The following PHF21B variants were observed in gnomAD, a reference collection of about 807,000 sequenced individuals.
The protein encoded by PHF21B is PHD finger protein 21B.
PHF21B carries 22 observed loss-of-function variants against 62.2 expected under a neutral mutation model. The observed-to-expected ratio is 0.35, with a 90% CI of 0.25 to 0.51. The LOEUF (loss-of-function observed/expected upper bound fraction) is 0.51, where lower values mean the gene tolerates loss of function less well. Among genes scored for constraint, PHF21B ranks in the 20% least tolerant of loss-of-function variants. The pLI is 0.97. For synonymous variants in PHF21B, 341 were observed against 314.7 expected, an observed-to-expected ratio of 1.08 and a Z score of -0.88; for missense variants, 701 against 707.9, an observed-to-expected ratio of 0.99 and a Z score of 0.11.
At position 44,968,834 on chromosome 22, in the gene PHF21B, A is replaced by AT. The variant is rs529547483; in HGVS notation, c.120+39710dup. On this transcript the variant is annotated intron_variant, in intron 2 of 12. Transcript: ENST00000313237. Reference sequence around the variant, plus strand: ...CTCAAAGTGTCAGGTTTCAGAGCAGATTTTTTTGGGTTTCAGATTTTTGGA... The same window carrying AT: ...CTCAAAGTGTCAGGTTTCAGAGCAGATTTTTTTTGGGTTTCAGATTTTTGGA... 6.2e-4 allele frequency among the ~76,000 whole-genome samples: 94 copies of AT among 152,200 alleles called. 1 individual carries two copies. Among genetic ancestry groups the AT allele is most frequent in the African/African-American group, 2.3e-3 (94 of 41,546 alleles).
At chr22:44,983,006 G>A (rs2072870968) in intron 2 of PHF21B, among the ~76,000 whole-genome samples, 1 of 152,158 alleles carries the variant, frequency 6.6e-6, no homozygotes, top group Non-Finnish European at 1.5e-5. Flanking sequence ...CACTTTGGGA[G>A]ACCGAGGTGG....
At chr22:44,934,106 G>A (rs1276693948) in intron 2 of PHF21B, among the ~76,000 whole-genome samples, 3 of 152,154 alleles carry the variant, frequency 2.0e-5, no homozygotes, top group African/African-American at 4.8e-5. Flanking sequence ...ATGGCAGCCC[G>A]TCCCCTCCTG....
At chr22:44,921,650 G>A (rs1216739789) in intron 2 of PHF21B, among the ~76,000 whole-genome samples, 2 of 151,544 alleles carry the variant, frequency 1.3e-5, no homozygotes, top group Non-Finnish European at 2.9e-5. Flanking sequence ...TTACAGGCAT[G>A]AGCCACGGAA....
intron 2 of PHF21B, among the ~76,000 whole-genome samples, chr22:44,973,845 G>A (rs904288902): frequency 3.3e-5 from 5 of 152,240 alleles, no homozygotes; most frequent in African/African-American, 4.8e-5. Context: ...CCAGCACTGG[G>A]AAGTCAGGGA....
At chr22:44,897,485 T>C (rs2071081993) in intron 5 of PHF21B, among the ~76,000 whole-genome samples, 1 of 152,156 alleles carries the variant, frequency 6.6e-6, no homozygotes. Context: ...AGAGACAGCC[T>C]GCCAGGAGTC....
intron 2 of PHF21B, among the ~76,000 whole-genome samples, chr22:44,998,866 C>T (rs1017236507): frequency 1.3e-5 from 2 of 152,174 alleles, no homozygotes; most frequent in African/African-American, 4.8e-5. Context: ...CCCCATTCAT[C>T]CCCGGGACAT....
At chr22:44,947,793 GTT>G (rs1376309961) in intron 2 of PHF21B, among the ~76,000 whole-genome samples, 1 of 152,136 alleles carries the variant, frequency 6.6e-6, no homozygotes, top group Non-Finnish European at 1.5e-5. Context: ...GCTCAGATAT[GTT>G]TCAGTTTGTC....
At chr22:44,997,207 A>G (rs540527868) in intron 2 of PHF21B, among the ~76,000 whole-genome samples, 1 of 152,236 alleles carries the variant, frequency 6.6e-6, no homozygotes, top group South Asian at 2.1e-4. Context: ...CTTACGCTGA[A>G]GGTCCTGGGC....
chr22:44,960,590 TAC>T (rs922419397), intron 2 of PHF21B, among the ~76,000 whole-genome samples: 4 of 152,160 alleles, frequency 2.6e-5, no homozygotes, highest in African/African-American at 9.7e-5. Flanking sequence ...GACCATGGGG[TAC>T]ACAGACATCT....
chr22:44,994,881 G>C (rs1049338616), intron 2 of PHF21B, among the ~76,000 whole-genome samples: 1 of 152,224 alleles, frequency 6.6e-6, no homozygotes, highest in Non-Finnish European at 1.5e-5. Context: ...ACCCAAACTT[G>C]GGGAGCGCCA....
At chr22:44,929,655 T>C (rs183802454) in intron 2 of PHF21B, among the ~76,000 whole-genome samples, 10 of 152,364 alleles carry the variant, frequency 6.6e-5, no homozygotes, top group African/African-American at 2.2e-4. Context: ...CTGCTGTCAC[T>C]GTTACAAGGA....
rs2071957720 is a variant in PHF21B, at chr22:44,941,573, T to C, written c.121-21083A>G. On this transcript the variant is annotated intron_variant, in intron 2 of 12. Coordinates refer to ENST00000313237, the MANE Select transcript of PHF21B (RefSeq NM_138415.5). ...CTGGATCGCTTTGTTCCTCTGACGT[T>C]GTGGTGGGCACAATGCAAAATTGTG... Among the ~76,000 whole-genome samples, 4 of 152,312 alleles carry C rather than the reference T, an allele frequency of 2.6e-5. No individual in the cohort carries two copies. In the South Asian group the frequency reaches 6.2e-4, roughly 24 times the overall value.
chr22:44,886,201 G>T (rs115960786), intron 10 of PHF21B, among the ~76,000 whole-genome samples: 1 of 151,894 alleles, frequency 6.6e-6, no homozygotes, highest in African/African-American at 2.4e-5. Flanking sequence ...CTTCTCGAAC[G>T]AACGAATGAT....
At chr22:44,959,617 C>T (rs2072376833) in intron 2 of PHF21B, among the ~76,000 whole-genome samples, 1 of 152,192 alleles carries the variant, frequency 6.6e-6, no homozygotes, top group Non-Finnish European at 1.5e-5. Flanking sequence ...GCAGGTCATT[C>T]AAGATGCACC....
At chr22:44,966,481 A>C (rs1825311771) in intron 2 of PHF21B, among the ~76,000 whole-genome samples, 1 of 152,192 alleles carries the variant, frequency 6.6e-6, no homozygotes, top group Admixed American at 6.5e-5. Context: ...CCCTGTGAAA[A>C]GACAGGCCCC....
chr22:44,945,197 G>C (rs575019991), intron 2 of PHF21B, among the ~76,000 whole-genome samples: 1 of 152,346 alleles, frequency 6.6e-6, no homozygotes, highest in East Asian at 1.9e-4. Flanking sequence ...ACCTGGCTCA[G>C]GTGTGACTGT....
In PHF21B at chr22:44,976,071, T is replaced by C. The variant is rs147226350; in HGVS notation, c.120+32474A>G. Among the ~76,000 whole-genome samples, 901 of 152,242 alleles carry C rather than the reference T, an allele frequency of 5.9e-3. 6 individuals carry two copies. The highest frequency in any genetic ancestry group is 0.01 in the Middle Eastern group (3 of 294). On this transcript the variant is annotated intron_variant, in intron 2 of 12. Transcript: ENST00000313237. ...CTGTAGTCCCAGCTACTCAGGAGGC[T>C]GAGGTGGGAGGATCACCCGAGCCCA...
chr22:44,904,276 A>G (rs2071211104), intron 5 of PHF21B, among the ~76,000 whole-genome samples: 1 of 150,782 alleles, frequency 6.6e-6, no homozygotes, highest in African/African-American at 2.5e-5. Context: ...TCTGCTTTGT[A>G]AAACAAAACT....
chr22:44,886,286 C>T (rs568365078), intron 10 of PHF21B, among the ~76,000 whole-genome samples: 123 of 150,372 alleles, frequency 8.2e-4, no homozygotes, highest in African/African-American at 2.9e-3. Context: ...TGGAGAGACT[C>T]GATGTCCCCC....
Sources: gnomAD v4.1 joint callset for allele counts (sites outside exome capture counted in the v4.1 genomes callset) on GRCh38, gnomAD v4.1.1 for gene constraint, MANE v1.5 for transcripts, NCBI Gene and HGNC (gene_info 2026-07-23, HGNC 2026-07-21) for gene names.